Variants in MMP26 observed in about 807,000 individuals in gnomAD.
MMP26 encodes the protein matrix metalloproteinase-26.
In MMP26, 33 loss-of-function variants were observed where a neutral mutation model predicts 31.0. That is an observed-to-expected ratio of 1.06 (90% CI 0.81 to 1.42). MMP26 has a LOEUF of 1.42. Ranked by LOEUF, MMP26 falls within the 40% of genes most tolerant of loss-of-function variation. MMP26 has a pLI of 0.00. For synonymous variants in MMP26, 122 were observed against 114.9 expected, an observed-to-expected ratio of 1.06 and a Z score of -0.40; for missense variants, 347 against 316.1, an observed-to-expected ratio of 1.10 and a Z score of -0.74.
intron 2 of MMP26, among the ~76,000 whole-genome samples, chr11:4,835,677 G>C (rs1849709085): frequency 6.6e-6 from 1 of 152,068 alleles, no homozygotes. Flanking sequence ...AGAGGAGTTG[G>C]GTTTCAGTTC....
At chr11:4,971,427 GA>G (rs1376561947) in intron 2 of MMP26, among the ~76,000 whole-genome samples, 1 of 152,094 alleles carries the variant, frequency 6.6e-6, no homozygotes, top group Non-Finnish European at 1.5e-5. Flanking sequence ...AAACATTAAA[GA>G]AAAAATTACT....
At position 4,774,581 on chromosome 11, in the gene MMP26, CT is replaced by C. The variant is rs200798331; in HGVS notation, c.-145+7241del. On this transcript the variant is annotated intron_variant, in intron 2 of 7. Coordinates refer to ENST00000380390, the MANE Select transcript of MMP26 (RefSeq NM_021801.5). The stretch of plus-strand genomic sequence containing the variant: ...TTTTTTCTCCCACTCTGTAGGTTGC[CT>C]GTTCACTCTGATGATAGTTTCTTTT... Among the ~76,000 whole-genome samples, 1,247 of 152,150 alleles carry C rather than the reference CT, an allele frequency of 8.2e-3. 16 individuals carry two copies. Among genetic ancestry groups the C allele is most frequent in the African/African-American group, 0.029 (1,187 of 41,494 alleles).
intron 2 of MMP26, chr11:4,923,478 G>A (rs1158376043): frequency 1.2e-6 from 2 of 1,613,922 alleles, no homozygotes; most frequent in Non-Finnish European, 1.7e-6. Flanking sequence ...GGGTTCATAA[G>A]GGGTGGTACC....
intron 2 of MMP26, chr11:4,859,517 G>A (rs1362960724): frequency 8.3e-6 from 3 of 360,410 alleles, no homozygotes; most frequent in African/African-American, 2.1e-5. Context: ...TTCCCCAGAT[G>A]TGCAAAATTT....
Position 4,723,900 on chromosome 11 carries a change from C to T in MMP26, c.-217+18855C>T, listed in dbSNP as rs1848058042. The T allele has an allele frequency of 1.9e-6, 2 of 1,066,870 alleles. 1 individual carries two copies. Among genetic ancestry groups the T allele is most frequent in the South Asian group, 2.5e-5 (2 of 80,742 alleles). The allele number at this position is 1,066,870 out of a possible 1,614,324, so 66.1% of individuals were successfully genotyped here. On this transcript the variant is annotated intron_variant, in intron 1 of 7. Coordinates refer to ENST00000380390, the MANE Select transcript of MMP26 (RefSeq NM_021801.5). ...TGTTGAGGGTCTTGATCTGCTCCTT[C>T]TCCTGGGTGCGCATGGCCTGGATGT...
chr11:4,737,928 T>G (rs964425092), intron 1 of MMP26, among the ~76,000 whole-genome samples: 1 of 152,230 alleles, frequency 6.6e-6, no homozygotes, highest in Non-Finnish European at 1.5e-5. Flanking sequence ...AAACTCCTCT[T>G]GTCTCAGTTT....
At chr11:4,774,674 T>C (rs562497658) in intron 2 of MMP26, among the ~76,000 whole-genome samples, 1 of 152,336 alleles carries the variant, frequency 6.6e-6, no homozygotes, top group South Asian at 2.1e-4. Flanking sequence ...GCAATTGCTT[T>C]TGGCAATTTC....
Position 4,799,859 on chromosome 11 carries a change from A to G in MMP26, c.-145+32518A>G, listed in dbSNP as rs1849157884. Among the ~76,000 whole-genome samples the G allele has an allele frequency of 3.3e-5, 5 of 152,354 alleles. No homozygotes were observed. In the South Asian group the frequency reaches 1.0e-3, roughly 32 times the overall value. The stretch of plus-strand genomic sequence containing the variant: ...TCTGAAATCCAGCAGGCAGACATTA[A>G]ACCTTAAAGCTCCAAAATAATCGCC... On this transcript the variant is annotated intron_variant, in intron 2 of 7. Coordinates refer to ENST00000380390, the MANE Select transcript of MMP26 (RefSeq NM_021801.5).
intron 2 of MMP26, chr11:4,832,817 T>C (rs1849664400): frequency 5.8e-6 from 1 of 171,848 alleles, no homozygotes; most frequent in African/African-American, 2.4e-5. Flanking sequence ...TGTTGGGTAT[T>C]GCATCCCATG....
At chr11:4,872,933 G>A (rs971771583) in intron 2 of MMP26, among the ~76,000 whole-genome samples, 1 of 152,034 alleles carries the variant, frequency 6.6e-6, no homozygotes, top group Non-Finnish European at 1.5e-5. Flanking sequence ...GGACCCACCT[G>A]TAAAGCATGC....
chr11:4,901,198 G>T (rs1032357390), intron 2 of MMP26, among the ~76,000 whole-genome samples: 2 of 122,240 alleles, frequency 1.6e-5, no homozygotes, highest in Non-Finnish European at 3.2e-5. Context: ...TCACTCTGTC[G>T]CCCAGTCTGG....
intron 2 of MMP26, among the ~76,000 whole-genome samples, chr11:4,965,994 G>C (rs2133625928): frequency 6.6e-6 from 1 of 152,174 alleles, no homozygotes; most frequent in South Asian, 2.1e-4. Flanking sequence ...TACCGTTTAA[G>C]CACCATGATT....
chr11:4,884,570 A>C (rs868468737), intron 2 of MMP26, among the ~76,000 whole-genome samples: 17 of 152,080 alleles, frequency 1.1e-4, no homozygotes, highest in Non-Finnish European at 1.0e-4. Flanking sequence ...TCTGACCCTG[A>C]AATTAACTTG....
chr11:4,923,911 A>C (rs1244379182), intron 2 of MMP26: 2 of 1,614,004 alleles, frequency 1.2e-6, no homozygotes, highest in East Asian at 4.5e-5. Flanking sequence ...CCATCTTGAC[A>C]ATACATGCAG....
intron 1 of MMP26, among the ~76,000 whole-genome samples, chr11:4,765,645 C>T (rs1848619492): frequency 6.6e-6 from 1 of 152,170 alleles, no homozygotes; most frequent in Non-Finnish European, 1.5e-5. Flanking sequence ...ATGTCAAGGC[C>T]TCCTCATATG....
intron 2 of MMP26, chr11:4,821,455 C>G: frequency 6.2e-7 from 1 of 1,613,856 alleles, no homozygotes; most frequent in Non-Finnish European, 8.5e-7. Context: ...TGCTGAGCCT[C>G]TGATCTTCCT....
At chr11:4,803,308 C>T (rs532253705) in intron 2 of MMP26, 1 of 683,242 alleles carries the variant, frequency 1.5e-6, no homozygotes, top group Admixed American at 3.1e-5. Flanking sequence ...TAGAGGGTTG[C>T]TTACCTCTGA....
intron 2 of MMP26, chr11:4,945,305 T>A (rs990274580): frequency 6.6e-6 from 1 of 152,166 alleles, no homozygotes; most frequent in African/African-American, 2.4e-5. Flanking sequence ...AAAAGAGATC[T>A]GATGTGAAAA....
At chr11:4,745,957 T>C (rs975675609) in intron 1 of MMP26, among the ~76,000 whole-genome samples, 1 of 152,232 alleles carries the variant, frequency 6.6e-6, no homozygotes, top group Non-Finnish European at 1.5e-5. Context: ...TGCCGAATAA[T>C]ATTCCCTGGT....
Sources: gnomAD v4.1 joint callset for allele counts (sites outside exome capture counted in the v4.1 genomes callset) on GRCh38, gnomAD v4.1.1 for gene constraint, MANE v1.5 for transcripts, NCBI Gene and HGNC (gene_info 2026-07-23, HGNC 2026-07-21) for gene names.